PPFIA2: variants seen among roughly 807,000 people sequenced by gnomAD.
PPFIA2 encodes liprin-alpha-2.
Under a neutral mutation model 175.5 loss-of-function variants are expected in PPFIA2, and 46 were observed. That is an observed-to-expected ratio of 0.26 (90% CI 0.21 to 0.34). The LOEUF (loss-of-function observed/expected upper bound fraction) is 0.34. PPFIA2 is among the 10% of genes least tolerant of loss of function. The pLI, the probability that PPFIA2 is intolerant of heterozygous loss-of-function variation, is 1.00. For synonymous variants in PPFIA2, 568 were observed against 511.4 expected (o/e 1.11, Z -1.49); for missense variants, 1,179 against 1,506.1 (o/e 0.78, Z 3.60).
rs1417292945 is a variant in PPFIA2, at chr12:81,695,623, T to C, written c.250-18779A>G. The stretch of plus-strand genomic sequence containing the variant: ...GTATTTCTTTGCAGCAATGCAAAAA[T>C]GGCCTAATACAAGATACTTTTTAAA... On this transcript the variant is annotated intron_variant, in intron 3 of 32. Coordinates refer to ENST00000549396, the MANE Select transcript of PPFIA2 (RefSeq NM_003625.5). Among the ~76,000 whole-genome samples the C allele has an allele frequency of 2.0e-5, 3 of 152,304 alleles. No individual in the cohort carries two copies. The East Asian group carries it at 5.8e-4, about 29-fold the overall frequency.
chr12:81,579,264 G>A (rs573369832), intron 4 of PPFIA2, among the ~76,000 whole-genome samples: 1 of 151,794 alleles, frequency 6.6e-6, no homozygotes, highest in East Asian at 1.9e-4. Flanking sequence ...GTGTACTCGA[G>A]GAATAGCAAC....
intron 7 of PPFIA2, among the ~76,000 whole-genome samples, chr12:81,419,362 A>G (rs2045868326): frequency 6.6e-6 from 1 of 152,090 alleles, no homozygotes; most frequent in South Asian, 2.1e-4. Flanking sequence ...TATATAAAGT[A>G]CTTACAAGAG....
At chr12:81,630,407 G>A (rs2063230767) in intron 4 of PPFIA2, among the ~76,000 whole-genome samples, 2 of 152,050 alleles carry the variant, frequency 1.3e-5, no homozygotes, top group Non-Finnish European at 2.9e-5. Flanking sequence ...AAGAAAGGCT[G>A]GAAAAAGCCA....
chr12:81,663,619 G>C (rs557227432), intron 4 of PPFIA2, among the ~76,000 whole-genome samples: 2 of 151,972 alleles, frequency 1.3e-5, no homozygotes, highest in East Asian at 3.9e-4. Flanking sequence ...CTGCCCAAGG[G>C]AATTTATAGA....
chr12:81,623,629 TC>T (rs1300555170), intron 4 of PPFIA2, among the ~76,000 whole-genome samples: 1 of 152,010 alleles, frequency 6.6e-6, no homozygotes, highest in Non-Finnish European at 1.5e-5. Context: ...CATGATTGTA[TC>T]CTTATAGTTG....
intron 21 of PPFIA2, among the ~76,000 whole-genome samples, chr12:81,338,613 A>AT (rs11462441): frequency 1.3e-5 from 2 of 151,850 alleles, no homozygotes; most frequent in Non-Finnish European, 2.9e-5. Flanking sequence ...GCAAAAAAAA[A>AT]TCATGTTCTT....
intron 4 of PPFIA2, among the ~76,000 whole-genome samples, chr12:81,505,193 C>T (rs181891122): frequency 1.3e-5 from 2 of 151,050 alleles, no homozygotes; most frequent in Admixed American, 1.3e-4. Flanking sequence ...AAACATGCAG[C>T]AAACCACCAT....
chr12:81,303,806 A>G (rs2048458937), intron 22 of PPFIA2, among the ~76,000 whole-genome samples: 2 of 152,188 alleles, frequency 1.3e-5, no homozygotes, highest in Admixed American at 6.5e-5. Context: ...ATAAAAGACC[A>G]ATAGGTTCTA....
At chr12:81,500,033 C>T (rs1432748518) in intron 4 of PPFIA2, among the ~76,000 whole-genome samples, 1 of 152,112 alleles carries the variant, frequency 6.6e-6, no homozygotes, top group Non-Finnish European at 1.5e-5. Context: ...GCCACCTCAA[C>T]TCTGACCAGT....
chr12:81,519,604 T>G (rs1007254401), intron 4 of PPFIA2, among the ~76,000 whole-genome samples: 7 of 152,196 alleles, frequency 4.6e-5, no homozygotes, highest in Non-Finnish European at 8.8e-5. Flanking sequence ...AATGAACCAT[T>G]AAGTGACCTA....
chr12:81,683,768 G>C (rs181736889), intron 3 of PPFIA2, among the ~76,000 whole-genome samples: 1 of 151,996 alleles, frequency 6.6e-6, no homozygotes, highest in East Asian at 1.9e-4. Context: ...CCTGAGGCTC[G>C]GTAATAAAAA....
chr12:81,371,811 C>T (rs1418187365), intron 11 of PPFIA2, among the ~76,000 whole-genome samples: 4 of 151,584 alleles, frequency 2.6e-5, no homozygotes, highest in Non-Finnish European at 4.4e-5. Flanking sequence ...CGTATAAACT[C>T]GCCAAAGCAA....
chr12:81,374,842 T>C, intron 10 of PPFIA2, 74 bp from the exon 11 acceptor site: 1 of 1,389,328 alleles, frequency 7.2e-7, no homozygotes, highest in South Asian at 1.4e-5. Flanking sequence ...CCAGGGGCTT[T>C]GCACTTCAGC....
chr12:81,309,228 T>G (rs1338503178), intron 22 of PPFIA2, among the ~76,000 whole-genome samples: 1 of 152,106 alleles, frequency 6.6e-6, no homozygotes, highest in Non-Finnish European at 1.5e-5. Context: ...TATTCAGGAA[T>G]CCATACTTGA....
intron 4 of PPFIA2, among the ~76,000 whole-genome samples, chr12:81,528,495 G>A (rs1034543630): frequency 6.6e-6 from 1 of 152,018 alleles, no homozygotes; most frequent in Non-Finnish European, 1.5e-5. Context: ...GGTATGAGGG[G>A]AAATAAAACA....
chr12:81,661,905 C>T lies in PPFIA2; in HGVS notation c.303+14886G>A, dbSNP rs192834773. Among the ~76,000 whole-genome samples, 157 of 152,234 alleles carry T rather than the reference C, an allele frequency of 1.0e-3. 1 individual carries two copies. Among genetic ancestry groups the T allele is most frequent in the African/African-American group, 3.6e-3 (151 of 41,544 alleles). ...TCAGGATTAAGAAACTCATTCAAAA[C>T]CACTCAACTACATGGAAACTGAACA... On this transcript the variant is annotated intron_variant, in intron 4 of 32. Transcript: ENST00000549396.
intron 4 of PPFIA2, among the ~76,000 whole-genome samples, chr12:81,476,282 C>A (rs1282059329): frequency 1.3e-5 from 2 of 152,108 alleles, no homozygotes; most frequent in Non-Finnish European, 2.9e-5. Context: ...TGCATTTAGT[C>A]TAGGTTTTTG....
chr12:81,366,283 T>A (rs2033404581), intron 14 of PPFIA2, among the ~76,000 whole-genome samples: 1 of 151,516 alleles, frequency 6.6e-6, no homozygotes, highest in African/African-American at 2.4e-5. Context: ...ACCATTAAAA[T>A]TTCACAATCT....
chr12:81,288,710 T>C (rs1387957361), intron 24 of PPFIA2, among the ~76,000 whole-genome samples: 1 of 151,780 alleles, frequency 6.6e-6, no homozygotes, highest in Non-Finnish European at 1.5e-5. Flanking sequence ...AATTACAAAG[T>C]AGTAACTTGA....
Sources: gnomAD v4.1 joint callset for allele counts (sites outside exome capture counted in the v4.1 genomes callset) on GRCh38, gnomAD v4.1.1 for gene constraint, MANE v1.5 for transcripts, NCBI Gene and HGNC (gene_info 2026-07-23, HGNC 2026-07-21) for gene names.